The following TTC27 variants were observed in gnomAD, a reference collection of about 807,000 sequenced individuals.
TTC27 encodes tetratricopeptide repeat domain 27.
A neutral mutation model predicts 115.9 loss-of-function variants in TTC27; 79 were observed. The observed-to-expected ratio is 0.68, with a 90% CI of 0.57 to 0.82. The LOEUF (loss-of-function observed/expected upper bound fraction) is 0.82, where lower values mean the gene tolerates loss of function less well. Ranked by LOEUF, TTC27 falls within the 40% of genes least tolerant of loss-of-function variation. The pLI is 0.00. For synonymous variants in TTC27, 401 were observed against 356.0 expected, an observed-to-expected ratio of 1.13 and a Z score of -1.42; for missense variants, 1,054 against 993.1, an observed-to-expected ratio of 1.06 and a Z score of -0.82.
At position 32,664,461 on chromosome 2, in the gene TTC27, T is replaced by C. The variant is rs780025957; in HGVS notation, c.799T>C (p.Leu267=). The change falls in exon 6 of 20, where the codon TTG becomes CTG. Residue 267 remains leucine (L), a synonymous_variant. Coordinates refer to ENST00000317907, the MANE Select transcript of TTC27 (RefSeq NM_017735.5). ...GGACATCAGCCAATTACAAATTGAT[T>C]TGACAGGTAAGACTTATTTTTTGTG... ...AKDISQLQID[L]TGALGKRTRF... is the part of the protein sequence containing the mutation. 8 of 1,602,454 alleles carry C rather than the reference T, an allele frequency of 5.0e-6. No homozygotes were observed. Among genetic ancestry groups the C allele is most frequent in the Non-Finnish European group, 3.4e-6 (4 of 1,177,558 alleles).
intron 9 of TTC27, among the ~76,000 whole-genome samples, chr2:32,687,047 G>C (rs1027889689): frequency 9.2e-5 from 14 of 151,846 alleles, no homozygotes; most frequent in African/African-American, 3.4e-4. Context: ...GTTTCACTGT[G>C]TTGGCCAGGC....
intron 16 of TTC27, among the ~76,000 whole-genome samples, 191 bp downstream of exon 16, chr2:32,787,340 T>G (rs1670383403): frequency 6.6e-6 from 1 of 152,220 alleles, no homozygotes; most frequent in South Asian, 2.1e-4. Context: ...TCAAATTTGT[T>G]TGTACAGTCA....
chr2:32,731,594 G>C lies in TTC27; in HGVS notation c.1234-2234G>C, dbSNP rs527610075. 2.8e-3 allele frequency among the ~76,000 whole-genome samples: 424 copies of C among 152,236 alleles called. 5 individuals carry two copies. Among genetic ancestry groups the C allele is most frequent in the Non-Finnish European group, 3.8e-3 (259 of 68,000 alleles). On this transcript the variant is annotated intron_variant, in intron 10 of 19. Transcript: ENST00000317907. ...TGGTCTTACCATGTTGCCCAGGCTG[G>C]TCTTGAACTCCAGGGCTCAAGTGAT...
chr2:32,799,024 G>T (rs1300252835), intron 16 of TTC27, among the ~76,000 whole-genome samples: 2 of 152,146 alleles, frequency 1.3e-5, no homozygotes, highest in African/African-American at 2.4e-5. Flanking sequence ...ACAAAATGTG[G>T]TATGTACATA....
At chr2:32,795,817 G>A (rs1019825466) in intron 16 of TTC27, among the ~76,000 whole-genome samples, 3 of 151,414 alleles carry the variant, frequency 2.0e-5, no homozygotes, top group African/African-American at 4.9e-5. Flanking sequence ...GACCTTAGGT[G>A]ATCCACCCAC....
At chr2:32,757,114 A>T (rs1669260359) in intron 12 of TTC27, among the ~76,000 whole-genome samples, 1 of 152,214 alleles carries the variant, frequency 6.6e-6, no homozygotes, top group South Asian at 2.1e-4. Context: ...ATAAAGAGGT[A>T]GGTTTTAAGC....
At chr2:32,662,319 A>G (rs1290827005) in intron 5 of TTC27, among the ~76,000 whole-genome samples, 1 of 150,682 alleles carries the variant, frequency 6.6e-6, no homozygotes, top group African/African-American at 2.4e-5. Flanking sequence ...TTTTCTATTG[A>G]TTGGAATAGT....
intron 10 of TTC27, among the ~76,000 whole-genome samples, chr2:32,732,119 T>C (rs1668312522): frequency 6.6e-6 from 1 of 152,222 alleles, no homozygotes; most frequent in Non-Finnish European, 1.5e-5. Flanking sequence ...TTGTTCTCCT[T>C]TTATGAAGTA....
At chr2:32,640,696 C>A (rs181053683) in intron 4 of TTC27, among the ~76,000 whole-genome samples, 5 of 152,028 alleles carry the variant, frequency 3.3e-5, no homozygotes, top group Non-Finnish European at 7.4e-5. Context: ...TAAAAATATA[C>A]CTTGGGCTGG....
At position 32,640,360 on chromosome 2, in the gene TTC27, T is replaced by C. The variant is rs1217007838; in HGVS notation, c.487T>C (p.Leu163=). 5 of 1,613,936 alleles carry C rather than the reference T, an allele frequency of 3.1e-6. No individual in the cohort carries two copies. The highest frequency in any genetic ancestry group is 4.2e-6 in the Non-Finnish European group (5 of 1,180,006). The change falls in exon 4 of 20, where the codon TTA becomes CTA. Residue 163 remains leucine (L), a synonymous_variant. Transcript: ENST00000317907. ...SLTSKPILLL[L]ARIILVNVRH... ...GACCTCGAAGCCTATACTACTGTTA[T>C]TAGCACGCATTATCCTAGTGAATGT...
chr2:32,699,037 C>G (rs186718429), intron 9 of TTC27, among the ~76,000 whole-genome samples: 32 of 152,214 alleles, frequency 2.1e-4, no homozygotes, highest in African/African-American at 7.2e-4. Flanking sequence ...TTTCTGTTTC[C>G]GAAGAACCAC....
intron 9 of TTC27, among the ~76,000 whole-genome samples, chr2:32,689,607 C>T (rs1666748725): frequency 6.6e-6 from 1 of 152,006 alleles, no homozygotes; most frequent in Admixed American, 6.6e-5. Flanking sequence ...AAAAGAAATC[C>T]CAAAGTTAAT....
At chr2:32,681,838 G>C (rs978518795) in intron 9 of TTC27, among the ~76,000 whole-genome samples, 1 of 151,964 alleles carries the variant, frequency 6.6e-6, no homozygotes, top group African/African-American at 2.4e-5. Flanking sequence ...ATATGTTGAG[G>C]AGCATTTGTA....
rs563849018 is a variant in TTC27, at chr2:32,642,109, A to G, written c.537+1699A>G. Among the ~76,000 whole-genome samples, 6 of 152,206 alleles carry G rather than the reference A, an allele frequency of 3.9e-5. No homozygotes were observed. In the South Asian group the frequency reaches 1.0e-3, roughly 26 times the overall value. On this transcript the variant is annotated intron_variant, in intron 4 of 19. Transcript: ENST00000317907. The stretch of plus-strand genomic sequence containing the variant: ...TGACCTTAGGTGATCTGCCTACCTC[A>G]GCCTCCCAAAGTGCTGGGATTACAG...
At chr2:32,669,380 T>C (rs539512709) in intron 7 of TTC27, among the ~76,000 whole-genome samples, 1 of 152,374 alleles carries the variant, frequency 6.6e-6, no homozygotes, top group Non-Finnish European at 1.5e-5. Context: ...AGAGTACAAG[T>C]TGTATGCTGT....
chr2:32,789,321 C>A (rs1670451403), intron 16 of TTC27, among the ~76,000 whole-genome samples: 1 of 152,192 alleles, frequency 6.6e-6, no homozygotes, highest in Admixed American at 6.5e-5. Flanking sequence ...ACTTAAATTT[C>A]TCTTTTCTTA....
At chr2:32,807,859 C>T (rs1049387706) in intron 16 of TTC27, among the ~76,000 whole-genome samples, 4 of 151,330 alleles carry the variant, frequency 2.6e-5, no homozygotes, top group African/African-American at 9.7e-5. Flanking sequence ...CCTTGGTTTC[C>T]ATGACATCAC....
intron 9 of TTC27, among the ~76,000 whole-genome samples, chr2:32,682,668 CTT>C (rs3077159): frequency 1.1e-4 from 14 of 127,508 alleles, no homozygotes; most frequent in Non-Finnish European, 1.1e-4. Flanking sequence ...TAATAGAAGT[CTT>C]TTTTTTTTTT....
At chr2:32,754,778 C>A (rs1669147694) in intron 12 of TTC27, among the ~76,000 whole-genome samples, 1 of 145,858 alleles carries the variant, frequency 6.9e-6, no homozygotes, top group African/African-American at 2.6e-5. Context: ...GGGGGCTGAC[C>A]TCCCCCACCT....
Sources: gnomAD v4.1 joint callset for allele counts (sites outside exome capture counted in the v4.1 genomes callset) on GRCh38, gnomAD v4.1.1 for gene constraint, MANE v1.5 for transcripts, NCBI Gene and HGNC (gene_info 2026-07-23, HGNC 2026-07-21) for gene names.